OR51B5: variants seen among roughly 807,000 people sequenced by gnomAD.
OR51B5 encodes the protein olfactory receptor 51B5.
For synonymous variants in OR51B5, 186 were observed against 144.8 expected, an observed-to-expected ratio of 1.28 and a Z score of -2.04; for missense variants, 456 against 374.6, an observed-to-expected ratio of 1.22 and a Z score of -1.79.
chr11:5,435,374 T>C (rs1056319938), intron 1 of OR51B5, among the ~76,000 whole-genome samples: 3 of 152,220 alleles, frequency 2.0e-5, no homozygotes, highest in Non-Finnish European at 4.4e-5. Context: ...ATATTGCTCA[T>C]GGAATATGTT....
At chr11:5,354,514 T>C (rs1480816378) in intron 1 of OR51B5, among the ~76,000 whole-genome samples, 2 of 152,202 alleles carry the variant, frequency 1.3e-5, no homozygotes, top group African/African-American at 2.4e-5. Flanking sequence ...TGCAGTTCTC[T>C]TTGTGGAGTC....
chr11:5,374,141 AG>A (rs1849487239), intron 1 of OR51B5, among the ~76,000 whole-genome samples: 1 of 152,176 alleles, frequency 6.6e-6, no homozygotes, highest in Non-Finnish European at 1.5e-5. Flanking sequence ...AAACTTCCAG[AG>A]GAACGATCAG....
rs114227352 is a variant in OR51B5, at chr11:5,476,723, C to T, written n.84+28846G>A. Among the ~76,000 whole-genome samples, 1,011 of 152,322 alleles carry T rather than the reference C, an allele frequency of 6.6e-3. 9 individuals carry two copies. The highest frequency in any genetic ancestry group is 0.02 in the African/African-American group (818 of 41,570). On this transcript the variant is annotated intron_variant and non_coding_transcript_variant, in intron 1 of 4. Transcript: ENST00000415970. The stretch of plus-strand genomic sequence containing the variant: ...GTGAGTTTCATCTTCTGTTCTTTGA[C>T]TTACTAGTTGTGTTATCCTAGACAA...
chr11:5,417,272 T>C (rs10838077), intron 1 of OR51B5, among the ~76,000 whole-genome samples: 118,074 of 144,492 alleles, frequency 0.82, 49,130 homozygotes, highest in Non-Finnish European at 0.89. Flanking sequence ...ATACAAAAAT[T>C]AATTCAAGAT....
intron 1 of OR51B5, among the ~76,000 whole-genome samples, chr11:5,415,417 A>C (rs1443401641): frequency 1.3e-5 from 2 of 151,322 alleles, no homozygotes; most frequent in African/African-American, 4.8e-5. Flanking sequence ...GCAAGAAATA[A>C]CTAAAATCAG....
chr11:5,370,325 T>C (rs2133706149), intron 1 of OR51B5, among the ~76,000 whole-genome samples: 1 of 152,342 alleles, frequency 6.6e-6, no homozygotes, highest in African/African-American at 2.4e-5. Flanking sequence ...TTGGAAATGC[T>C]ACAGCAAAGT....
At chr11:5,396,498 C>G (rs1367903066) in intron 1 of OR51B5, among the ~76,000 whole-genome samples, 2 of 152,064 alleles carry the variant, frequency 1.3e-5, no homozygotes, top group East Asian at 3.9e-4. Flanking sequence ...ATCCAACTTA[C>G]AAGGGATGTG....
At chr11:5,342,631 C>T in exon 1 of OR51B5, 1 of 1,606,320 alleles carries the variant, frequency 6.2e-7, no homozygotes, top group South Asian at 1.1e-5. Context: ...GAATGGCATT[C>T]TGAATCTGCT....
chr11:5,341,641 C>CACTT (rs1347399604), downstream of OR51B5, among the ~76,000 whole-genome samples: 1 of 152,126 alleles, frequency 6.6e-6, no homozygotes, highest in Non-Finnish European at 1.5e-5. Context: ...GGGAAATTTA[C>CACTT]ACTTATTACA....
At chr11:5,496,990 A>C (rs1021869092) in intron 1 of OR51B5, among the ~76,000 whole-genome samples, 1 of 151,924 alleles carries the variant, frequency 6.6e-6, no homozygotes, top group Non-Finnish European at 1.5e-5. Context: ...ATTGGTCTCC[A>C]ACCCCATGGG....
chr11:5,467,510 C>T (rs1205546564), intron 1 of OR51B5, among the ~76,000 whole-genome samples: 1 of 152,300 alleles, frequency 6.6e-6, no homozygotes, highest in East Asian at 1.9e-4. Context: ...TGAGTTATGC[C>T]ATGGCCTGTC....
chr11:5,411,719 G>C (rs528553001), intron 1 of OR51B5, among the ~76,000 whole-genome samples: 2 of 152,280 alleles, frequency 1.3e-5, no homozygotes, highest in South Asian at 4.1e-4. Context: ...TAAGGTGAAA[G>C]TCCTGCATAA....
intron 1 of OR51B5, among the ~76,000 whole-genome samples, chr11:5,410,099 A>C (rs1435258570): frequency 1.3e-5 from 2 of 152,178 alleles, no homozygotes; most frequent in African/African-American, 4.8e-5. Flanking sequence ...AGTATTTGTT[A>C]GCAGCAAACC....
intron 1 of OR51B5, among the ~76,000 whole-genome samples, chr11:5,504,757 T>C (rs572862450): frequency 5.3e-5 from 8 of 152,314 alleles, no homozygotes; most frequent in Non-Finnish European, 1.2e-4. Context: ...TTGCACACTT[T>C]CCACGTACCA....
At chr11:5,485,902 A>G (rs914822859) in intron 1 of OR51B5, among the ~76,000 whole-genome samples, 3 of 152,124 alleles carry the variant, frequency 2.0e-5, no homozygotes, top group African/African-American at 7.2e-5. Flanking sequence ...TAATGATAAG[A>G]TCTTTAAAGA....
At position 5,381,370 on chromosome 11, in the gene OR51B5, C is replaced by T. The variant is rs967200886; in HGVS notation, n.85-34460G>A. On this transcript the variant is annotated intron_variant and non_coding_transcript_variant, in intron 1 of 4. Coordinates refer to the OR51B5 transcript ENST00000415970. ...CTTCACCTTCCCCAACCATCATGCA[C>T]CCACATTCACTTCACCTAATATTCG... Among the ~76,000 whole-genome samples, 10 of 152,160 alleles carry T rather than the reference C, an allele frequency of 6.6e-5. No individual in the cohort carries two copies. The East Asian group carries it at 1.9e-3, about 29-fold the overall frequency.
chr11:5,401,976 T>G (rs1385087245), intron 1 of OR51B5, among the ~76,000 whole-genome samples: 1 of 150,974 alleles, frequency 6.6e-6, no homozygotes, highest in African/African-American at 2.4e-5. Context: ...TCTTTCCTCC[T>G]TCCCTCCCTC....
At chr11:5,441,820 G>T (rs1850693458) in intron 1 of OR51B5, among the ~76,000 whole-genome samples, 1 of 152,134 alleles carries the variant, frequency 6.6e-6, no homozygotes, top group Admixed American at 6.5e-5. Flanking sequence ...TGGTAGACCA[G>T]AAAGAGGAAA....
chr11:5,409,477 T>C (rs1850110264), intron 1 of OR51B5, among the ~76,000 whole-genome samples: 1 of 149,266 alleles, frequency 6.7e-6, no homozygotes, highest in South Asian at 2.2e-4. Flanking sequence ...TCGGAAAATA[T>C]TAAAAAATAA....
Sources: allele counts gnomAD v4.1 joint callset (sites outside exome capture counted in the v4.1 genomes callset), GRCh38; gene constraint gnomAD v4.1.1; transcripts MANE v1.5; gene names NCBI Gene and HGNC (gene_info 2026-07-23, HGNC 2026-07-21).